ATRN: variants seen among roughly 807,000 people sequenced by gnomAD.
The protein encoded by ATRN is attractin, also known as attractin-2.
ATRN carries 54 observed loss-of-function variants against 178.7 expected under a neutral mutation model. The ratio of observed to expected loss-of-function variants is 0.30; its 90% CI spans 0.24 to 0.38. The LOEUF (loss-of-function observed/expected upper bound fraction) is 0.38, where lower values mean the gene tolerates loss of function less well. ATRN is among the 10% of genes least tolerant of loss of function. ATRN has a pLI of 1.00. For missense variants in ATRN, 1,443 were observed against 1,815.1 expected (o/e 0.79, Z 3.73); for synonymous variants, 636 against 663.0 (o/e 0.96, Z 0.63).
rs2087117887 is a variant in ATRN, at chr20:3,647,773, G to A, written c.*926G>A. ...CTTTTTTTCTAAAATCTGATTTGCA[G>A]CCAGGAAAGAATTTTCTCACCCAAG... On this transcript the variant is annotated 3_prime_UTR_variant, in exon 29 of 29. Transcript: ENST00000262919. 1 of 152,186 alleles carries A rather than the reference G, an allele frequency of 6.6e-6. No homozygotes were observed. Among genetic ancestry groups the A allele is most frequent in the Non-Finnish European group, 1.5e-5 (1 of 68,028 alleles). The allele number at this position is 152,186 out of a possible 1,614,324, so 9.4% of individuals were successfully genotyped here. A position where few individuals can be genotyped will look rare whatever the true frequency, so the allele number is the denominator to read the frequency against.
chr20:3,498,828 G>C (rs1009698362), intron 1 of ATRN, among the ~76,000 whole-genome samples: 1 of 143,972 alleles, frequency 6.9e-6, no homozygotes, highest in Non-Finnish European at 1.5e-5. Context: ...GGAAGTTCTG[G>C]CCAGGGCAAT....
In ATRN at chr20:3,644,060, A is replaced by G. The variant is rs2087089248; in HGVS notation, c.4051-94A>G. 30 of 932,188 alleles carry G rather than the reference A, an allele frequency of 3.2e-5. No individual in the cohort carries two copies. The South Asian group carries it at 4.6e-4, about 14-fold the overall frequency. 57.7% of individuals were successfully genotyped at this position (932,188 alleles called of 1,614,324 possible). A position where few individuals can be genotyped will look rare whatever the true frequency, so the allele number is the denominator to read the frequency against. On this transcript the variant is annotated intron_variant, in intron 27 of 28. Coordinates refer to ENST00000262919, the MANE Select transcript of ATRN (RefSeq NM_139321.3). ...AATGTACCTTTTTTATATACCTGAA[A>G]TTGATGGTTCTTATAAGCACAAATG... is the stretch of plus-strand genomic sequence containing the variant.
intron 1 of ATRN, among the ~76,000 whole-genome samples, chr20:3,524,388 A>AAT (rs1293449666): frequency 2.0e-5 from 3 of 152,070 alleles, no homozygotes; most frequent in Admixed American, 2.0e-4. Flanking sequence ...ATATGCACCC[A>AAT]ATACAGGAGC....
At chr20:3,522,754 G>T (rs908859809) in intron 1 of ATRN, among the ~76,000 whole-genome samples, 5 of 152,190 alleles carry the variant, frequency 3.3e-5, no homozygotes, top group African/African-American at 1.2e-4. Context: ...GCAGCCTCCA[G>T]TGGTGATACC....
intron 1 of ATRN, among the ~76,000 whole-genome samples, chr20:3,506,429 G>A (rs2085045175): frequency 6.6e-6 from 1 of 152,098 alleles, no homozygotes; most frequent in Non-Finnish European, 1.5e-5. Context: ...TTCGAGACCA[G>A]CCTGGCCAAC....
At chr20:3,553,374 A>C (rs1450070640) in intron 6 of ATRN, among the ~76,000 whole-genome samples, 1 of 152,188 alleles carries the variant, frequency 6.6e-6, no homozygotes, top group Non-Finnish European at 1.5e-5. Flanking sequence ...CTCTGTCACC[A>C]AATACATGTC....
chr20:3,482,912 C>T (rs1047432916), intron 1 of ATRN, among the ~76,000 whole-genome samples: 2 of 152,088 alleles, frequency 1.3e-5, no homozygotes, highest in African/African-American at 4.8e-5. Context: ...GGAAGAGATG[C>T]GAGGAATATC....
At chr20:3,608,137 C>T (rs1429116365) in intron 24 of ATRN, among the ~76,000 whole-genome samples, 1 of 152,124 alleles carries the variant, frequency 6.6e-6, no homozygotes, top group African/African-American at 2.4e-5. Flanking sequence ...ATAGTTTGAA[C>T]ATATTTTCTC....
intron 1 of ATRN, among the ~76,000 whole-genome samples, chr20:3,475,442 A>T (rs1397394993): frequency 6.6e-6 from 1 of 152,212 alleles, no homozygotes; most frequent in African/African-American, 2.4e-5. Context: ...CATTTTTTCT[A>T]AATAAAAGAT....
rs2086497083 is a variant in ATRN, at chr20:3,594,526, A to G, written c.3370A>G (p.Lys1124Glu). ...HASLCNTNTG[K>E]CFCTTKGVKG... ...GTCTCTGTGCAACACCAACACGGGC[A>G]AGTGCTTCTGCACCACCAAGGGCGT... Residue 1124 changes from lysine (K) to glutamate (E), a missense_variant, in exon 20 of 29, where the codon AAG becomes GAG. By Grantham distance (56) the Lys-to-Glu change is moderately conservative. Coordinates refer to ENST00000262919, the MANE Select transcript of ATRN (RefSeq NM_139321.3). The G allele has an allele frequency of 6.2e-7, 1 of 1,612,736 alleles. No homozygotes were observed. Among genetic ancestry groups the G allele is most frequent in the Non-Finnish European group, 8.5e-7 (1 of 1,179,042 alleles).
At chr20:3,639,349 T>G (rs1600173637) in intron 27 of ATRN, among the ~76,000 whole-genome samples, 1 of 152,058 alleles carries the variant, frequency 6.6e-6, no homozygotes, top group Non-Finnish European at 1.5e-5. Context: ...ACCTCCCGGG[T>G]TCAAGCGATT....
At chr20:3,544,826 G>GTTTTTTTT (rs11481668) in intron 3 of ATRN, among the ~76,000 whole-genome samples, 3 of 138,640 alleles carry the variant, frequency 2.2e-5, no homozygotes, top group African/African-American at 5.3e-5. Flanking sequence ...ACTCAGTAAG[G>GTTTTTTTT]TTTTTTTTTT....
intron 13 of ATRN, 97 bp from the exon 14 acceptor site, chr20:3,576,762 C>A (rs1456833010): frequency 1.7e-6 from 2 of 1,181,962 alleles, no homozygotes; most frequent in Non-Finnish European, 2.3e-6. Context: ...CAGTTTGCTT[C>A]CTCAATTAGA....
intron 24 of ATRN, among the ~76,000 whole-genome samples, chr20:3,605,667 G>A (rs1472879640): frequency 6.6e-6 from 1 of 152,146 alleles, no homozygotes; most frequent in Non-Finnish European, 1.5e-5. Flanking sequence ...GGAAAACCAG[G>A]TACCACATGT....
At chr20:3,483,255 T>C (rs566528656) in intron 1 of ATRN, among the ~76,000 whole-genome samples, 93 of 152,348 alleles carry the variant, frequency 6.1e-4, no homozygotes, top group African/African-American at 2.2e-3. Flanking sequence ...ATAGTTAATA[T>C]TAATTACAGA....
rs117081071 is a variant in ATRN, at chr20:3,520,982, C to G, written c.411-14271C>G. Among the ~76,000 whole-genome samples, 342 of 152,214 alleles carry G rather than the reference C, an allele frequency of 2.2e-3. 2 individuals carry two copies. The highest frequency in any genetic ancestry group is 3.9e-3 in the Non-Finnish European group (264 of 68,004). On this transcript the variant is annotated intron_variant, in intron 1 of 28. Transcript: ENST00000262919. ...GCTATATTAAGATCGAAGTCGACTTCATGTGAATTAACACAGGAACAGAAA... is the reference window on the plus strand; with the variant it reads ...GCTATATTAAGATCGAAGTCGACTTGATGTGAATTAACACAGGAACAGAAA...
At chr20:3,526,879 G>T (rs955334655) in intron 1 of ATRN, among the ~76,000 whole-genome samples, 2 of 152,178 alleles carry the variant, frequency 1.3e-5, no homozygotes, top group Non-Finnish European at 2.9e-5. Context: ...CTAGCCATAT[G>T]CAGAAAACTG....
intron 1 of ATRN, among the ~76,000 whole-genome samples, chr20:3,527,877 A>G (rs1270712911): frequency 1.4e-5 from 2 of 143,744 alleles, no homozygotes; most frequent in African/African-American, 2.5e-5. Flanking sequence ...GTTAGAACAC[A>G]TGAACACAGG....
chr20:3,565,241 A>G (rs1400741938), intron 10 of ATRN, 107 bp from the exon 11 acceptor site: 1 of 789,178 alleles, frequency 1.3e-6, no homozygotes, highest in Non-Finnish European at 2.0e-6. Context: ...ATTGAGAGGC[A>G]TGTTTTATGA....
Sources: allele counts gnomAD v4.1 joint callset (sites outside exome capture counted in the v4.1 genomes callset), GRCh38; gene constraint gnomAD v4.1.1; transcripts MANE v1.5; gene names NCBI Gene and HGNC (gene_info 2026-07-23, HGNC 2026-07-21).